PTPN1: variants seen among roughly 807,000 people sequenced by gnomAD.
PTPN1 encodes tyrosine-protein phosphatase non-receptor type 1.
In PTPN1, 12 loss-of-function variants were observed where a neutral mutation model predicts 59.9. The observed-to-expected ratio is 0.20, with a 90% CI of 0.13 to 0.32. PTPN1 has a LOEUF of 0.32. Among genes scored for constraint, PTPN1 ranks in the 10% least tolerant of loss-of-function variants. The pLI is 1.00. For synonymous variants in PTPN1, 178 were observed against 203.6 expected (o/e 0.87, Z 1.07); for missense variants, 356 against 549.2 (o/e 0.65, Z 3.52).
chr20:50,550,760 A>G (rs2082698857), intron 1 of PTPN1, among the ~76,000 whole-genome samples: 1 of 152,198 alleles, frequency 6.6e-6, no homozygotes, highest in African/African-American at 2.4e-5. Flanking sequence ...TGAGAGTCCA[A>G]AGCACTTCTT....
chr20:50,538,066 TA>T (rs1345546298), intron 1 of PTPN1, among the ~76,000 whole-genome samples: 1 of 152,106 alleles, frequency 6.6e-6, no homozygotes, highest in Non-Finnish European at 1.5e-5. Context: ...GGGGAACAAA[TA>T]ACCGAAAAGA....
chr20:50,578,976 C>T (rs2122803301), intron 6 of PTPN1, among the ~76,000 whole-genome samples, 192 bp from the exon 7 acceptor site: 1 of 152,258 alleles, frequency 6.6e-6, no homozygotes, highest in South Asian at 2.1e-4. Context: ...AATGCATTGC[C>T]TCAGGGAGGG....
At chr20:50,576,680 A>G (rs1329411574) in intron 5 of PTPN1, among the ~76,000 whole-genome samples, 1 of 151,946 alleles carries the variant, frequency 6.6e-6, no homozygotes, top group African/African-American at 2.4e-5. Context: ...CAGCCTGGCC[A>G]AGATGGTGAA....
chr20:50,562,825 G>A (rs982612291), intron 2 of PTPN1, among the ~76,000 whole-genome samples: 1 of 152,186 alleles, frequency 6.6e-6, no homozygotes, highest in Non-Finnish European at 1.5e-5. Context: ...AACCATCACC[G>A]TTCACCTCTT....
intron 1 of PTPN1, among the ~76,000 whole-genome samples, chr20:50,541,934 C>T (rs1182117850): frequency 3.3e-5 from 5 of 152,200 alleles, no homozygotes; most frequent in East Asian, 1.9e-4. Flanking sequence ...TTGCTACTCT[C>T]GTTTTTACTA....
At position 50,580,202 on chromosome 20, in the gene PTPN1, A is replaced by C. The variant is rs549766569; in HGVS notation, c.1088+276A>C. Among the ~76,000 whole-genome samples, 6 of 152,022 alleles carry C rather than the reference A, an allele frequency of 3.9e-5. No individual in the cohort carries two copies. In the South Asian group the frequency reaches 1.2e-3, roughly 32 times the overall value. On this transcript the variant is annotated intron_variant, in intron 8 of 9. Coordinates refer to ENST00000371621, the MANE Select transcript of PTPN1 (RefSeq NM_002827.4). ...TGGAATGAGGGGCTCGGAGCCACCG[A>C]GTAGGGTTTTTCTGCCCCCCCTGAC...
chr20:50,517,435 T>C (rs890865412), intron 1 of PTPN1, among the ~76,000 whole-genome samples: 3 of 152,040 alleles, frequency 2.0e-5, no homozygotes, highest in South Asian at 2.1e-4. Flanking sequence ...TTGTATTTTT[T>C]TGGAGTAGAG....
At chr20:50,578,392 AATC>A in intron 5 of PTPN1, 25 bp from the exon 6 acceptor site, 1 of 1,568,368 alleles carries the variant, frequency 6.4e-7, no homozygotes, top group Non-Finnish European at 8.8e-7. Context: ...ATTCTTTTAG[AATC>A]ATCATGAGTA....
intron 4 of PTPN1, among the ~76,000 whole-genome samples, chr20:50,570,675 T>C (rs193184470): frequency 1.8e-4 from 27 of 152,312 alleles, no homozygotes; most frequent in African/African-American, 6.0e-4. Flanking sequence ...TCTGCAGGCT[T>C]CTGACCCTCA....
At chr20:50,535,736 A>G (rs1339409576) in intron 1 of PTPN1, among the ~76,000 whole-genome samples, 1 of 152,162 alleles carries the variant, frequency 6.6e-6, no homozygotes, top group African/African-American at 2.4e-5. Flanking sequence ...TTTAGCTAGA[A>G]TGTGAACCCT....
At chr20:50,524,082 C>G (rs933210352) in intron 1 of PTPN1, among the ~76,000 whole-genome samples, 3 of 152,170 alleles carry the variant, frequency 2.0e-5, no homozygotes, top group African/African-American at 7.2e-5. Flanking sequence ...TTTCATGTTT[C>G]CTCTGCCATT....
intron 1 of PTPN1, among the ~76,000 whole-genome samples, chr20:50,559,126 G>A (rs895652026): frequency 2.0e-5 from 3 of 150,154 alleles, no homozygotes; most frequent in Non-Finnish European, 4.4e-5. Context: ...CCACCTCCTG[G>A]GTTCAAGTGA....
chr20:50,579,268 G>A lies in PTPN1; in HGVS notation c.803G>A (p.Arg268His). ...MGLIQTADQL[R>H]FSYLAVIEGA... ...CTGATCCAGACAGCCGACCAGCTGCGCTTCTCCTACCTGGCTGTGATCGAA... is the reference window on the plus strand; with the variant it reads ...CTGATCCAGACAGCCGACCAGCTGCACTTCTCCTACCTGGCTGTGATCGAA... The change falls in exon 7 of 10, where the codon CGC (arginine) becomes CAC (histidine). Residue 268 changes from arginine (R) to histidine (H), a missense_variant. By Grantham distance (29) the Arg-to-His change is conservative. This residue lies in a region of PTPN1 where 194 missense variants were observed against 344.2 expected (regional missense o/e 0.56). Transcript: ENST00000371621. 2 of 1,614,228 alleles carry A rather than the reference G, an allele frequency of 1.2e-6. No homozygotes were observed. Among genetic ancestry groups the A allele is most frequent in the Non-Finnish European group, 1.7e-6 (2 of 1,180,040 alleles).
chr20:50,513,921 A>G (rs2082518019), intron 1 of PTPN1, among the ~76,000 whole-genome samples: 2 of 152,148 alleles, frequency 1.3e-5, no homozygotes, highest in African/African-American at 4.8e-5. Context: ...CGGAAATGAC[A>G]TGGAGAGACT....
At chr20:50,513,017 T>A (rs1457532170) in intron 1 of PTPN1, among the ~76,000 whole-genome samples, 1 of 152,220 alleles carries the variant, frequency 6.6e-6, no homozygotes, top group East Asian at 1.9e-4. Context: ...TTCTAACTTA[T>A]TTTCTGATTA....
chr20:50,569,663 G>A (rs1027990274), intron 4 of PTPN1, among the ~76,000 whole-genome samples: 1 of 151,022 alleles, frequency 6.6e-6, no homozygotes, highest in Non-Finnish European at 1.5e-5. Flanking sequence ...TAGATTGTCT[G>A]TGTAGACTGT....
chr20:50,565,218 C>A, intron 3 of PTPN1, 149 bp downstream of exon 3: 1 of 777,096 alleles, frequency 1.3e-6, no homozygotes, highest in Non-Finnish European at 2.0e-6. Flanking sequence ...AAAAATCATC[C>A]TTCAAAGGTT....
chr20:50,578,739 T>C, intron 6 of PTPN1, 110 bp downstream of exon 6: 1 of 890,518 alleles, frequency 1.1e-6, no homozygotes, highest in East Asian at 2.7e-5. Flanking sequence ...AGAGACTCAC[T>C]GTGTTAGTCT....
At chr20:50,526,698 T>C (rs2082576990) in intron 1 of PTPN1, among the ~76,000 whole-genome samples, 1 of 152,152 alleles carries the variant, frequency 6.6e-6, no homozygotes, top group East Asian at 1.9e-4. Flanking sequence ...TTTTCTCCTT[T>C]ATTCAGATTT....
Sources: allele counts gnomAD v4.1 joint callset (sites outside exome capture counted in the v4.1 genomes callset), GRCh38; gene constraint gnomAD v4.1.1; regional missense constraint gnomAD v4.1.1; transcripts MANE v1.5; gene names NCBI Gene and HGNC (gene_info 2026-07-23, HGNC 2026-07-21).